The following JPH1 variants were observed in gnomAD, a reference collection of about 807,000 sequenced individuals.
JPH1 encodes the protein junctophilin-1.
In JPH1, 12 loss-of-function variants were observed where a neutral mutation model predicts 53.6. The ratio of observed to expected loss-of-function variants is 0.22; its 90% CI spans 0.14 to 0.36. JPH1 has a LOEUF of 0.36. Ranked by LOEUF, JPH1 falls within the 10% of genes least tolerant of loss-of-function variation. The pLI is 1.00. For synonymous variants in JPH1, 375 were observed against 363.8 expected (o/e 1.03, Z -0.35); for missense variants, 808 against 905.5 (o/e 0.89, Z 1.38).
intron 2 of JPH1, among the ~76,000 whole-genome samples, chr8:74,289,520 C>CA (rs1204484053): frequency 1.3e-5 from 2 of 152,204 alleles, no homozygotes; most frequent in Non-Finnish European, 2.9e-5. Flanking sequence ...GTGCCCCCAG[C>CA]ACCTGTATTG....
rs768262283 is a variant in JPH1, at chr8:74,315,459, C to T, written c.541G>A (p.Ala181Thr). Residue 181 changes from alanine to threonine, a missense_variant, in exon 2 of 6, where the codon GCC (alanine) becomes ACC (threonine). Physicochemically the swap from Ala to Thr is moderately conservative, Grantham distance 58. Coordinates refer to ENST00000342232, the MANE Select transcript of JPH1 (RefSeq NM_020647.4). The surrounding 1 kb of genome is among the most constrained non-coding windows in gnomAD (Gnocchi z 6.3). ...GTGCCGGCCGGGCTGTCGGCGGCGG[C>T]TGCGGCGTCGTGGAGCACGCTGCCA... ...SNGSVLHDAAAAADSPAGTRG... is the reference protein window; with the variant it reads ...SNGSVLHDAATAADSPAGTRG... 1.3e-5 allele frequency: 21 copies of T among 1,608,452 alleles called. No individual in the cohort carries two copies. In the East Asian group the frequency reaches 4.5e-4, roughly 34 times the overall value.
intron 3 of JPH1, among the ~76,000 whole-genome samples, chr8:74,248,060 G>C (rs1304903104): frequency 6.6e-6 from 1 of 152,082 alleles, no homozygotes; most frequent in East Asian, 1.9e-4. Flanking sequence ...CTCAAATACT[G>C]GTCTAATCAC....
chr8:74,286,647 T>A (rs10504571), intron 2 of JPH1, among the ~76,000 whole-genome samples: 1,666 of 152,364 alleles, frequency 0.011, 21 homozygotes, highest in East Asian at 0.094. Context: ...TTTATAATTA[T>A]GTCTGTAACT....
At chr8:74,261,592 C>A (rs1806397489) in intron 2 of JPH1, among the ~76,000 whole-genome samples, 1 of 152,108 alleles carries the variant, frequency 6.6e-6, no homozygotes. Context: ...CTCATGGGTG[C>A]CATTGCTGAG....
chr8:74,273,156 A>G lies in JPH1; in HGVS notation c.1140-13653T>C, dbSNP rs371336100. Among the ~76,000 whole-genome samples the G allele has an allele frequency of 4.6e-5, 7 of 152,322 alleles. No individual in the cohort carries two copies. In the East Asian group the frequency reaches 1.3e-3, roughly 29 times the overall value. On this transcript the variant is annotated intron_variant, in intron 2 of 5. Transcript: ENST00000342232. Reference sequence around the variant, plus strand: ...ACATCATTTGTAACTACCAACTTAAATGTTATAAGGTGATGAATCCCTTGT... The same window carrying G: ...ACATCATTTGTAACTACCAACTTAAGTGTTATAAGGTGATGAATCCCTTGT...
chr8:74,321,072 C>G lies in JPH1; in HGVS notation c.216G>C (p.Leu72=), dbSNP rs768155839. 1 of 1,613,512 alleles carries G rather than the reference C, an allele frequency of 6.2e-7. No individual in the cohort carries two copies. Among genetic ancestry groups the G allele is most frequent in the African/African-American group, 1.3e-5 (1 of 75,036 alleles). ...GYWAQGKRHG[L]GVETKGKWMY... ...TCCACTTGCCCTTCGTCTCCACCCC[C>G]AGCCCGTGCCGCTTGCCCTGCGCCC... Residue 72 remains leucine (L), a synonymous_variant, in exon 1 of 6, where the codon CTG becomes CTC. Transcript: ENST00000342232. The surrounding 1 kb of genome is among the most constrained non-coding windows in gnomAD (Gnocchi z 4.3).
At chr8:74,301,611 C>T (rs1240204986) in intron 2 of JPH1, among the ~76,000 whole-genome samples, 1 of 152,188 alleles carries the variant, frequency 6.6e-6, no homozygotes, top group Non-Finnish European at 1.5e-5. Flanking sequence ...CACCTTTGCT[C>T]AGGATCTTCC....
Position 74,244,806 on chromosome 8 carries a change from T to C in JPH1, c.1628A>G (p.Asn543Ser). The C allele has an allele frequency of 1.2e-6, 2 of 1,614,166 alleles. No individual in the cohort carries two copies. The highest frequency in any genetic ancestry group is 1.3e-5 in the African/African-American group (1 of 75,046). The change falls in exon 4 of 6, where the codon AAC becomes AGC. Residue 543 changes from asparagine to serine, a missense_variant. By Grantham distance (46) the Asn-to-Ser change is conservative. This residue lies in a region of JPH1 where 756 missense variants were observed against 811.9 expected (regional missense o/e 0.93). Transcript: ENST00000342232. ...GTGATACTGAGAATGCAGCTCCCCG[T>C]TACTGGGGTTGGGGATGTGGTGGCG... is the stretch of plus-strand genomic sequence containing the variant. ...SGRHHIPNPS[N>S]GELHSQYHGY...
Position 74,287,992 on chromosome 8 carries a change from C to G in JPH1, c.1139+26869G>C, listed in dbSNP as rs902770488. ...TTTTCAGCTAGAAAACCCTTGACAA[C>G]AATTCTAAGTCACCAGTCTCGCTTT... On this transcript the variant is annotated intron_variant, in intron 2 of 5. Coordinates refer to ENST00000342232, the MANE Select transcript of JPH1 (RefSeq NM_020647.4). Among the ~76,000 whole-genome samples, 3 of 151,552 alleles carry G rather than the reference C, an allele frequency of 2.0e-5. No homozygotes were observed. The East Asian group carries it at 5.8e-4, about 29-fold the overall frequency.
chr8:74,245,723 T>C (rs1805842589), intron 3 of JPH1, among the ~76,000 whole-genome samples: 1 of 152,052 alleles, frequency 6.6e-6, no homozygotes, highest in Non-Finnish European at 1.5e-5. Flanking sequence ...AAAACACGGA[T>C]TTGCACAAGC....
intron 3 of JPH1, among the ~76,000 whole-genome samples, chr8:74,245,434 T>C (rs547910803): frequency 1.3e-5 from 2 of 152,304 alleles, no homozygotes; most frequent in South Asian, 4.1e-4. Context: ...AAAATTCATG[T>C]TGATGGAACA....
chr8:74,319,442 C>T (rs1808252094), intron 1 of JPH1, among the ~76,000 whole-genome samples: 1 of 152,160 alleles, frequency 6.6e-6, no homozygotes, highest in African/African-American at 2.4e-5. Flanking sequence ...ACTTTATGCC[C>T]ATTCAGAACA....
chr8:74,260,184 T>G (rs1452269178), intron 2 of JPH1, among the ~76,000 whole-genome samples: 1 of 152,202 alleles, frequency 6.6e-6, no homozygotes, highest in Non-Finnish European at 1.5e-5. Flanking sequence ...TTTAGGCATG[T>G]TTCTTGTATG....
intron 3 of JPH1, among the ~76,000 whole-genome samples, chr8:74,250,296 C>A (rs1406308244): frequency 6.6e-6 from 1 of 152,118 alleles, no homozygotes; most frequent in Non-Finnish European, 1.5e-5. Flanking sequence ...CCAGGCCCAG[C>A]TAATTTTTGT....
At chr8:74,306,225 C>T (rs572366733) in intron 2 of JPH1, among the ~76,000 whole-genome samples, 3 of 152,234 alleles carry the variant, frequency 2.0e-5, no homozygotes, top group East Asian at 3.9e-4. Context: ...CAAGCCTAAC[C>T]CCTCGCTTGG....
chr8:74,236,430 CG>C lies in JPH1; in HGVS notation c.*620del, dbSNP rs1806998767. ...ATGAACAGAGTCGTGCACAAGCAAA[CG>C]AAACGTTCTCTCCCAGAACATTCCA... is the stretch of plus-strand genomic sequence containing the variant. On this transcript the variant is annotated 3_prime_UTR_variant, in exon 6 of 6. Coordinates refer to ENST00000342232, the MANE Select transcript of JPH1 (RefSeq NM_020647.4). The C allele has an allele frequency of 6.6e-6, 1 of 152,460 alleles. No individual in the cohort carries two copies. The highest frequency in any genetic ancestry group is 1.5e-5 in the Non-Finnish European group (1 of 68,014). The allele number at this position is 152,460 out of a possible 1,614,324, so 9.4% of individuals were successfully genotyped here.
intron 2 of JPH1, among the ~76,000 whole-genome samples, chr8:74,282,475 G>A (rs1807041608): frequency 6.6e-6 from 1 of 152,130 alleles, no homozygotes; most frequent in South Asian, 2.1e-4. Flanking sequence ...ATGCTGAGGT[G>A]GGTACCAACA....
At chr8:74,270,915 C>T (rs1806678999) in intron 2 of JPH1, among the ~76,000 whole-genome samples, 3 of 152,034 alleles carry the variant, frequency 2.0e-5, no homozygotes, top group African/African-American at 7.2e-5. Flanking sequence ...CCTGGGATGC[C>T]ACGGCTGTTG....
At chr8:74,287,088 C>T (rs1355213133) in intron 2 of JPH1, among the ~76,000 whole-genome samples, 1 of 152,138 alleles carries the variant, frequency 6.6e-6, no homozygotes, top group Admixed American at 6.6e-5. Flanking sequence ...GGAGAAAACC[C>T]AGTAATGCTT....
Sources: allele counts gnomAD v4.1 joint callset (sites outside exome capture counted in the v4.1 genomes callset), GRCh38; gene constraint gnomAD v4.1.1; regional missense constraint gnomAD v4.1.1; non-coding constraint Gnocchi (gnomAD v3.1); transcripts MANE v1.5; gene names NCBI Gene and HGNC (gene_info 2026-07-23, HGNC 2026-07-21).